Variants in PPP2R3B observed in about 807,000 individuals in gnomAD.
PPP2R3B encodes the protein serine/threonine-protein phosphatase 2A regulatory subunit B'' subunit beta.
A neutral mutation model predicts 72.9 loss-of-function variants in PPP2R3B; 68 were observed. That is an observed-to-expected ratio of 0.93 (90% CI 0.77 to 1.14). PPP2R3B has a LOEUF of 1.14. PPP2R3B is among the 50% of genes most tolerant of loss of function. PPP2R3B has a pLI of 0.00. For missense variants in PPP2R3B, 1,018 were observed against 842.0 expected (o/e 1.21, Z -2.59); for synonymous variants, 466 against 375.8 (o/e 1.24, Z -2.78).
chrX:355,673 G>C (rs994080479), intron 2 of PPP2R3B, among the ~76,000 whole-genome samples: 7 of 151,910 alleles, frequency 4.6e-5, no homozygotes, highest in African/African-American at 1.5e-4. Flanking sequence ...TGCTCCAAAT[G>C]GTTACGGTGG....
intron 1 of PPP2R3B, 67 bp downstream of exon 1, chrX:386,301 C>G: frequency 8.1e-7 from 1 of 1,242,108 alleles, no homozygotes. Flanking sequence ...CTCCATCGCG[C>G]AGCCACACGC....
At chrX:375,391 T>C (rs867137230) in intron 1 of PPP2R3B, among the ~76,000 whole-genome samples, 5,151 of 48,800 alleles carry the variant, frequency 0.11, 1 homozygote, top group Middle Eastern at 0.19. Flanking sequence ...GCAGAGGTGC[T>C]GCCCAGTCAC....
chrX:338,791 A>T lies in PPP2R3B; in HGVS notation c.1457T>A (p.Ile486Asn). ...CGCCGCACTCACCCTGAGCAGGGAG[A>T]TCTGCTCTTTCTGCTCGTGGTCGAG... is the stretch of plus-strand genomic sequence containing the variant. ...KYLDHEQKEQ[I>N]SLLRDGDSGG... Residue 486 changes from isoleucine to asparagine, a missense_variant, in exon 11 of 13, where the codon ATC (isoleucine) becomes AAC (asparagine). Coordinates refer to ENST00000390665, the MANE Select transcript of PPP2R3B (RefSeq NM_013239.5). 6.2e-7 allele frequency: 1 copy of T among 1,612,328 alleles called. No individual in the cohort carries two copies. The highest frequency in any genetic ancestry group is 8.5e-7 in the Non-Finnish European group (1 of 1,179,630).
chrX:371,054 A>G (rs2071851166), intron 1 of PPP2R3B, among the ~76,000 whole-genome samples: 3 of 151,982 alleles, frequency 2.0e-5, no homozygotes, highest in Non-Finnish European at 1.5e-5. Flanking sequence ...GGGCCAGGCT[A>G]GGCAGCACAG....
intron 1 of PPP2R3B, among the ~76,000 whole-genome samples, chrX:379,107 CTGTG>C (rs764437834): frequency 6.9e-6 from 1 of 145,846 alleles, no homozygotes; most frequent in African/African-American, 2.6e-5. Context: ...GTGTATGCAC[CTGTG>C]TGTGCACCTG....
intron 1 of PPP2R3B, among the ~76,000 whole-genome samples, chrX:380,359 G>A (rs1032649815): frequency 2.6e-5 from 4 of 152,184 alleles, no homozygotes; most frequent in African/African-American, 9.6e-5. Context: ...TCGCAACTCA[G>A]TGATAACATA....
intron 2 of PPP2R3B, among the ~76,000 whole-genome samples, chrX:358,630 C>A (rs1435930071): frequency 6.6e-6 from 1 of 152,116 alleles, no homozygotes; most frequent in East Asian, 1.9e-4. Context: ...GCCAACGGAC[C>A]AGGTTCTTTC....
intron 1 of PPP2R3B, among the ~76,000 whole-genome samples, chrX:368,781 C>CGGGGGGAAGGCTGGG (rs2071788686): frequency 1.1e-5 from 1 of 94,534 alleles, no homozygotes; most frequent in African/African-American, 4.7e-5. Context: ...TGGGCACCGA[C>CGGGGGGAAGGCTGGG]ACGGGGAAGG....
chrX:386,474 G>A lies in PPP2R3B; in HGVS notation c.218C>T (p.Pro73Leu). Residue 73 changes from proline to leucine, a missense_variant, in exon 1 of 13, where the codon CCC becomes CTC. Transcript: ENST00000390665. The part of the protein sequence containing the change: ...LAAPRPSGLE[P>L]PGTPGPGPAL... ...AGGGCCCGGCCCGGGGGTTCCCGGG[G>A]GTTCGAGCCCGCTGGGCCGGGGGGC... 1 of 1,284,482 alleles carries A rather than the reference G, an allele frequency of 7.8e-7. No homozygotes were observed. The highest frequency in any genetic ancestry group is 3.9e-5 in the Admixed American group (1 of 25,434). 79.6% of individuals were successfully genotyped at this position (1,284,482 alleles called of 1,614,324 possible).
intron 1 of PPP2R3B, chrX:362,124 G>C (rs894221537): frequency 1.4e-4 from 24 of 171,796 alleles, no homozygotes; most frequent in Admixed American, 1.3e-3. Context: ...AGAAGGGGTC[G>C]ACCACCAGGT....
chrX:334,304 G>A lies in PPP2R3B; in HGVS notation c.*63C>T. The A allele has an allele frequency of 7.1e-7, 1 of 1,414,224 alleles. No individual in the cohort carries two copies. The highest frequency in any genetic ancestry group is 2.7e-5 in the East Asian group (1 of 36,646). The allele number at this position is 1,414,224 out of a possible 1,614,324, so 87.6% of individuals were successfully genotyped here. On this transcript the variant is annotated 3_prime_UTR_variant, in exon 13 of 13. Coordinates refer to ENST00000390665, the MANE Select transcript of PPP2R3B (RefSeq NM_013239.5). The stretch of plus-strand genomic sequence containing the variant: ...ATTTTCCACAACAGTTTTTACACGA[G>A]CCGCGGTGGCCCGGTGGTGGCACGT...
intron 2 of PPP2R3B, among the ~76,000 whole-genome samples, chrX:351,327 G>A (rs2071328552): frequency 6.6e-6 from 1 of 152,136 alleles, no homozygotes; most frequent in South Asian, 2.1e-4. Flanking sequence ...TGGCTCACAG[G>A]CCGTGCAGGT....
chrX:376,514 T>C (rs1283080524), intron 1 of PPP2R3B, among the ~76,000 whole-genome samples: 1 of 149,550 alleles, frequency 6.7e-6, no homozygotes, highest in Non-Finnish European at 1.5e-5. Context: ...TATACACTAC[T>C]GTATGCAGGG....
At position 374,696 on chromosome X, in the gene PPP2R3B, G is replaced by A. The variant is rs771846868; in HGVS notation, c.324+11672C>T. ...GAAAGCCTCCCGGGTCCCCGATCAG[G>A]AAGGTCCTGCGTGACCGCCTGCATC... On this transcript the variant is annotated intron_variant, in intron 1 of 12. Coordinates refer to ENST00000390665, the MANE Select transcript of PPP2R3B (RefSeq NM_013239.5). 2.6e-5 allele frequency among the ~76,000 whole-genome samples: 4 copies of A among 152,268 alleles called. No homozygotes were observed. The East Asian group carries it at 7.7e-4, about 29-fold the overall frequency.
intron 1 of PPP2R3B, among the ~76,000 whole-genome samples, chrX:374,776 G>A (rs1161448869): frequency 2.0e-5 from 3 of 152,262 alleles, no homozygotes; most frequent in African/African-American, 4.8e-5. Flanking sequence ...AGTCAACAGC[G>A]TGCACTGGGC....
chrX:334,779 G>A (rs1263481533), intron 12 of PPP2R3B: 6 of 410,040 alleles, frequency 1.5e-5, no homozygotes, highest in Non-Finnish European at 2.1e-5. Flanking sequence ...TACACACAGA[G>A]GACCTGGGCG....
intron 2 of PPP2R3B, 115 bp from the exon 3 acceptor site, chrX:347,808 A>G: frequency 1.3e-6 from 1 of 741,086 alleles, no homozygotes; most frequent in Non-Finnish European, 2.1e-6. Context: ...AGAAAGACAC[A>G]GCACGCTCAG....
At position 340,843 on chromosome X, in the gene PPP2R3B, C is replaced by G; in HGVS notation, c.1273G>C (p.Asp425His). The G allele has an allele frequency of 1.2e-6, 2 of 1,612,138 alleles. No individual in the cohort carries two copies. The highest frequency in any genetic ancestry group is 1.7e-6 in the Non-Finnish European group (2 of 1,179,708). ...GGCAGGGCCTCGATGGCCATGCTGT[C>G]CAGCCTTCGGCACTGCTCCTCGTAG... ...YFYEEQCRRL[D>H]SMAIEALPFQ... The change falls in exon 10 of 13, where the codon GAC becomes CAC. Residue 425 changes from aspartate (D) to histidine (H), a missense_variant. Asp to His is a moderately conservative substitution (Grantham distance 81). Transcript: ENST00000390665.
intron 2 of PPP2R3B, among the ~76,000 whole-genome samples, chrX:354,736 G>A (rs1249449401): frequency 3.3e-5 from 5 of 152,186 alleles, no homozygotes; most frequent in South Asian, 4.2e-4. Context: ...CAGTAGTCAC[G>A]GCTACTCGGG....
Sources: allele counts gnomAD v4.1 joint callset (sites outside exome capture counted in the v4.1 genomes callset), GRCh38; gene constraint gnomAD v4.1.1; transcripts MANE v1.5; gene names NCBI Gene and HGNC (gene_info 2026-07-23, HGNC 2026-07-21).